The following CEP63 variants were observed in gnomAD, a reference collection of about 807,000 sequenced individuals.
The protein encoded by CEP63 is centrosomal protein of 63 kDa.
A neutral mutation model predicts 89.1 loss-of-function variants in CEP63; 84 were observed. That is an observed-to-expected ratio of 0.94 (90% CI 0.79 to 1.13). The LOEUF (loss-of-function observed/expected upper bound fraction) is 1.13. CEP63 is among the 50% of genes most tolerant of loss of function. The pLI is 0.00. For synonymous variants in CEP63, 267 were observed against 272.5 expected (o/e 0.98, Z 0.20); for missense variants, 838 against 813.3 (o/e 1.03, Z -0.37).
chr3:134,545,045 GTGCAGTGGCGCAATCTCGGC>G, intron 6 of CEP63, among the ~76,000 whole-genome samples: 1 of 152,108 alleles, frequency 6.6e-6, no homozygotes, highest in African/African-American at 2.4e-5. Flanking sequence ...CTAGGCTGCA[GTGCAGTGGCGCAATCTCGGC>G]TCACTGCAAC....
chr3:134,586,416 T>G (rs1017863818), intron 10 of CEP63, among the ~76,000 whole-genome samples: 5 of 152,152 alleles, frequency 3.3e-5, no homozygotes, highest in African/African-American at 1.2e-4. Context: ...AGCATTTGCT[T>G]GTCTGTAAAG....
rs1386420665 is a variant in CEP63, at chr3:134,558,361, A to G, written c.1673+14A>G. On this transcript the variant is annotated intron_variant, in intron 13 of 14. Transcript: ENST00000675561. ...TACAGAGTTCAAGTAAAATTTTTTA[A>G]AAGTTTATTTAAAATGTGTATTGGT... The G allele has an allele frequency of 3.9e-6, 6 of 1,548,224 alleles. No homozygotes were observed. The highest frequency in any genetic ancestry group is 2.2e-5 in the South Asian group (2 of 89,492).
At chr3:134,647,079 C>G in the CEP63 span, among the ~76,000 whole-genome samples, 1 of 152,248 alleles carries the variant, frequency 6.6e-6, no homozygotes, top group Admixed American at 6.5e-5. Context: ...CGACTATCCT[C>G]TCTGTTGGGA....
the CEP63 span, among the ~76,000 whole-genome samples, chr3:134,669,187 G>A: frequency 8.6e-5 from 13 of 151,560 alleles, no homozygotes; most frequent in Admixed American, 3.3e-4. Context: ...CCCTACACGC[G>A]GCTTAATTTT....
the CEP63 span, among the ~76,000 whole-genome samples, chr3:134,737,236 G>A: frequency 2.6e-5 from 4 of 152,258 alleles, no homozygotes; most frequent in Admixed American, 2.6e-4. Context: ...TGGCTTTAGG[G>A]TTGGGAAGGA....
chr3:134,544,236 A>G (rs1341145071), intron 6 of CEP63, among the ~76,000 whole-genome samples: 1 of 152,198 alleles, frequency 6.6e-6, no homozygotes, highest in Admixed American at 6.5e-5. Flanking sequence ...ATTTCGAGTA[A>G]GGGAAGTTTA....
In CEP63 at chr3:134,531,972, T is replaced by C. The variant is rs545086942; in HGVS notation, c.318+32T>C. On this transcript the variant is annotated intron_variant, in intron 4 of 14. Transcript: ENST00000675561. ...TTTTAGTTTTGTTAAATGTTGTGTG[T>C]GTAGTTCTCTCTCTTTCACCCTTGA... The C allele has an allele frequency of 2.0e-4, 295 of 1,463,384 alleles. 3 individuals are homozygous for C. The South Asian group carries it at 3.3e-3, about 16-fold the overall frequency. The allele number at this position is 1,463,384 out of a possible 1,614,324, so 90.6% of individuals were successfully genotyped here.
downstream of CEP63, among the ~76,000 whole-genome samples, chr3:134,579,719 T>C (rs1018075097): frequency 3.9e-5 from 6 of 152,180 alleles, no homozygotes; most frequent in Admixed American, 6.6e-5. Flanking sequence ...AGAATATATA[T>C]CCACATTTGT....
At chr3:134,571,945 T>C (rs754173000) in intron 11 of CEP63, among the ~76,000 whole-genome samples, 22 of 152,192 alleles carry the variant, frequency 1.4e-4, no homozygotes, top group Admixed American at 6.5e-4. Flanking sequence ...GTGATTTCTA[T>C]TGGAATAAAG....
In CEP63 at chr3:134,547,450, G is replaced by T; in HGVS notation, c.1045G>T (p.Glu349Ter). 6.2e-7 allele frequency: 1 copy of T among 1,613,740 alleles called. No individual in the cohort carries two copies. Among genetic ancestry groups the T allele is most frequent in the Non-Finnish European group, 8.5e-7 (1 of 1,179,730 alleles). Residue 349 changes from glutamate (E) to a stop codon, truncating the protein, a stop_gained, in exon 9 of 15, where the codon GAG becomes TAG. Coordinates refer to ENST00000675561, the MANE Select transcript of CEP63 (RefSeq NM_001353108.3). LOFTEE classifies it high-confidence loss of function. Reference sequence around the variant, plus strand: ...TACTAGTGAGGACCTTCTGCAGGCAGAGGTGACTTGTCTTGAAGGCAGGTA... The same window carrying T: ...TACTAGTGAGGACCTTCTGCAGGCATAGGTGACTTGTCTTGAAGGCAGGTA... The part of the protein sequence containing the change: ...THTSEDLLQA[E>*]VTCLEGSLES...
At chr3:134,544,641 G>GA (rs1161799672) in intron 6 of CEP63, among the ~76,000 whole-genome samples, 1 of 149,610 alleles carries the variant, frequency 6.7e-6, no homozygotes, top group Non-Finnish European at 1.5e-5. Flanking sequence ...CTAGGTGGGG[G>GA]GGGGAATTTA....
the CEP63 span, among the ~76,000 whole-genome samples, chr3:134,709,178 C>T: frequency 4.6e-5 from 7 of 152,198 alleles, no homozygotes; most frequent in South Asian, 4.1e-4. Flanking sequence ...GAGAGGAGGC[C>T]GAGGAAGAGG....
the CEP63 span, among the ~76,000 whole-genome samples, chr3:134,743,650 T>C: frequency 7.8e-3 from 1,186 of 152,196 alleles, 14 homozygotes; most frequent in African/African-American, 0.027. Context: ...ATGCAGCAGT[T>C]TGCAGCAGGA....
chr3:134,575,106 AAG>A (rs978112036), downstream of CEP63: 5 of 360,944 alleles, frequency 1.4e-5, no homozygotes, highest in African/African-American at 1.1e-4. Context: ...TAGAAAGCTT[AAG>A]ATAACTCCTT....
the CEP63 span, among the ~76,000 whole-genome samples, chr3:134,678,710 G>A: frequency 6.6e-6 from 1 of 152,298 alleles, no homozygotes; most frequent in South Asian, 2.1e-4. Context: ...ACTTACCCAA[G>A]GTAGTGCAGC....
chr3:134,638,699 C>G, the CEP63 span, among the ~76,000 whole-genome samples: 1 of 152,244 alleles, frequency 6.6e-6, no homozygotes, highest in Non-Finnish European at 1.5e-5. Context: ...AGAATGTCCA[C>G]ATGCTTACTG....
chr3:134,495,151 C>A, intron 1 of CEP63, 145 bp from the exon 2 acceptor site: 1 of 661,314 alleles, frequency 1.5e-6, no homozygotes, highest in Admixed American at 2.5e-5. Flanking sequence ...AAGTGATGTT[C>A]TTTGACTGCT....
At chr3:134,519,299 T>G (rs1269024597) in intron 3 of CEP63, among the ~76,000 whole-genome samples, 5 of 149,560 alleles carry the variant, frequency 3.3e-5, no homozygotes, top group Admixed American at 6.7e-5. Flanking sequence ...AATTTTTGCT[T>G]TTTTTTTTTT....
Position 134,562,275 on chromosome 3 carries a change from G to A in CEP63, c.*740G>A. ...TTGATGTGCCGCAGGCATTTGAAAC[G>A]ATGGGAGTTGATAAGATCCACCAGG... On this transcript the variant is annotated 3_prime_UTR_variant, in exon 15 of 15. Transcript: ENST00000675561. 1 of 950,168 alleles carries A rather than the reference G, an allele frequency of 1.1e-6. No individual in the cohort carries two copies. The highest frequency in any genetic ancestry group is 1.8e-5 in the African/African-American group (1 of 56,660). 58.9% of individuals were successfully genotyped at this position (950,168 alleles called of 1,614,324 possible). A position where few individuals can be genotyped will look rare whatever the true frequency, so the allele number is the denominator to read the frequency against.
Sources: gnomAD v4.1 joint callset for allele counts (sites outside exome capture counted in the v4.1 genomes callset) on GRCh38, gnomAD v4.1.1 for gene constraint, MANE v1.5 for transcripts, NCBI Gene and HGNC (gene_info 2026-07-23, HGNC 2026-07-21) for gene names.